HUNK: variants seen among roughly 807,000 people sequenced by gnomAD.
HUNK encodes the protein hormonally up-regulated Neu-associated kinase.
HUNK carries 21 observed loss-of-function variants against 61.0 expected under a neutral mutation model. The observed-to-expected ratio is 0.34, with a 90% CI of 0.24 to 0.50. The LOEUF is 0.50. Among genes scored for constraint, HUNK ranks in the 20% least tolerant of loss-of-function variants. The pLI is 0.98. For synonymous variants in HUNK, 371 were observed against 386.1 expected (o/e 0.96, Z 0.46); for missense variants, 772 against 945.7 (o/e 0.82, Z 2.41).
chr21:31,975,691 A>G (rs1223674114), intron 7 of HUNK, among the ~76,000 whole-genome samples: 2 of 152,252 alleles, frequency 1.3e-5, no homozygotes, highest in Non-Finnish European at 2.9e-5. Flanking sequence ...TGATAGCCCA[A>G]TATGTCACCA....
intron 1 of HUNK, among the ~76,000 whole-genome samples, chr21:31,885,353 G>C (rs2052338578): frequency 6.6e-6 from 1 of 152,208 alleles, no homozygotes; most frequent in Non-Finnish European, 1.5e-5. Flanking sequence ...GAGCAGCCTT[G>C]GTGGGGCCGA....
intron 1 of HUNK, among the ~76,000 whole-genome samples, chr21:31,923,655 G>A (rs2052640004): frequency 6.6e-6 from 1 of 151,928 alleles, no homozygotes; most frequent in South Asian, 2.1e-4. Flanking sequence ...AAGGAAAGAG[G>A]ACTGGGGACA....
chr21:31,883,326 C>T (rs1187487445), intron 1 of HUNK, among the ~76,000 whole-genome samples: 1 of 151,976 alleles, frequency 6.6e-6, no homozygotes, highest in African/African-American at 2.4e-5. Flanking sequence ...CTTTGCCAAT[C>T]GAGTGTATTA....
intron 5 of HUNK, among the ~76,000 whole-genome samples, chr21:31,962,083 A>AGAAAGG (rs1247028847): frequency 6.6e-6 from 1 of 152,212 alleles, no homozygotes; most frequent in Non-Finnish European, 1.5e-5. Flanking sequence ...ATGCAGAGGG[A>AGAAAGG]GAAAGGGAAA....
At chr21:31,919,728 G>A (rs75924265) in intron 1 of HUNK, among the ~76,000 whole-genome samples, 10,573 of 152,248 alleles carry the variant, frequency 0.069, 451 homozygotes, top group South Asian at 0.17. Context: ...TCTCATGGAC[G>A]TGCGGGAGCA....
At chr21:31,982,149 T>C (rs1215286510) in intron 7 of HUNK, among the ~76,000 whole-genome samples, 1 of 152,216 alleles carries the variant, frequency 6.6e-6, no homozygotes, top group Non-Finnish European at 1.5e-5. Context: ...CTTTGTCTTA[T>C]TCCTGAACAA....
rs188263586 is a variant in HUNK at position 31,995,929 on chromosome 21, G to A, written c.1467G>A (p.Lys489=). The A allele has an allele frequency of 1.2e-5, 19 of 1,613,512 alleles. No homozygotes were observed. The East Asian group carries it at 3.8e-4, about 32-fold the overall frequency. ...TCCTGAAGGACCGGAAGGCCTCCAA[G>A]TCCAGCTTCCCCGACAAAGGTGGGT... The part of the protein sequence containing the change: ...KALLKDRKAS[K]SSFPDKDSFG... The change falls in exon 10 of 11, where the codon AAG becomes AAA. Residue 489 remains lysine (K), a synonymous_variant. Coordinates refer to ENST00000270112, the MANE Select transcript of HUNK (RefSeq NM_014586.2).
At chr21:31,965,615 A>G (rs201819581) in intron 5 of HUNK, among the ~76,000 whole-genome samples, 2 of 96,002 alleles carry the variant, frequency 2.1e-5, no homozygotes, top group Admixed American at 1.0e-4. Flanking sequence ...TTTTTTTTTA[A>G]TTTTGAGACG....
Position 31,968,164 on chromosome 21 carries a change from G to C in HUNK, c.875-86G>C, listed in dbSNP as rs943605772. The C allele has an allele frequency of 3.3e-6, 5 of 1,532,600 alleles. No homozygotes were observed. The African/African-American group carries it at 6.8e-5, about 21-fold the overall frequency. 94.9% of individuals were successfully genotyped at this position (1,532,600 alleles called of 1,614,324 possible). A position where few individuals can be genotyped will look rare whatever the true frequency, so the allele number is the denominator to read the frequency against. The stretch of plus-strand genomic sequence containing the variant: ...CAGTGACTCGGGATGGGCAGGCAAG[G>C]TGGCGAGTCCCCTGTGATGGTGGCT... On this transcript the variant is annotated intron_variant, in intron 5 of 10. Transcript: ENST00000270112.
At chr21:31,984,155 C>CTGTGTTCTGTGTT (rs2053117119) in intron 8 of HUNK, among the ~76,000 whole-genome samples, 1 of 152,016 alleles carries the variant, frequency 6.6e-6, no homozygotes, top group South Asian at 2.1e-4. Context: ...GGAATAAGTT[C>CTGTGTTCTGTGTT]CGGTGTTCTG....
intron 7 of HUNK, among the ~76,000 whole-genome samples, chr21:31,977,097 A>G (rs1206854735): frequency 2.0e-5 from 3 of 152,150 alleles, no homozygotes; most frequent in Admixed American, 1.3e-4. Context: ...AAAAGACTAT[A>G]TTCCCCAAAC....
Position 31,884,149 on chromosome 21 carries a change from G to A in HUNK, c.261+10214G>A, listed in dbSNP as rs116041077. Among the ~76,000 whole-genome samples, 626 of 152,236 alleles carry A rather than the reference G, an allele frequency of 4.1e-3. 6 individuals are homozygous for A. The highest frequency in any genetic ancestry group is 0.014 in the African/African-American group (602 of 41,550). ...GATGGTTGCTATGATCAGAATGTTTGTGTCCCCCAAAATTCTTTTGTTGAA... is the reference window on the plus strand; with the variant it reads ...GATGGTTGCTATGATCAGAATGTTTATGTCCCCCAAAATTCTTTTGTTGAA... On this transcript the variant is annotated intron_variant, in intron 1 of 10. Transcript: ENST00000270112.
chr21:31,890,321 C>T (rs534710549), intron 1 of HUNK, among the ~76,000 whole-genome samples: 95 of 152,024 alleles, frequency 6.2e-4, no homozygotes, highest in African/African-American at 1.5e-3. Context: ...CTCTGTCTCC[C>T]GGGTTCAAGC....
intron 6 of HUNK, among the ~76,000 whole-genome samples, chr21:31,968,664 T>A (rs9305479): frequency 1.3e-5 from 2 of 150,946 alleles, no homozygotes; most frequent in African/African-American, 4.9e-5. Flanking sequence ...TTCCCAGGGG[T>A]TGCCTTTTTC....
At chr21:31,960,536 C>T (rs977933215) in intron 5 of HUNK, among the ~76,000 whole-genome samples, 3 of 151,964 alleles carry the variant, frequency 2.0e-5, no homozygotes, top group Admixed American at 6.6e-5. Context: ...AAGACATACC[C>T]GAGACTGGGT....
Position 31,915,424 on chromosome 21 carries a change from G to T in HUNK, c.262-9044G>T, listed in dbSNP as rs546588384. On this transcript the variant is annotated intron_variant, in intron 1 of 10. Transcript: ENST00000270112. The stretch of plus-strand genomic sequence containing the variant: ...GGGCTTCCCATTCCCTGTGCATTTT[G>T]ATTATTTAAAACATGGTGTAAAAGT... 8.5e-5 allele frequency among the ~76,000 whole-genome samples: 13 copies of T among 152,304 alleles called. No homozygotes were observed. The East Asian group carries it at 2.1e-3, about 25-fold the overall frequency.
At chr21:31,913,599 C>G (rs985688767) in intron 1 of HUNK, among the ~76,000 whole-genome samples, 1 of 151,652 alleles carries the variant, frequency 6.6e-6, no homozygotes, top group Non-Finnish European at 1.5e-5. Context: ...GTGACAGGCT[C>G]GGAGGCCCAC....
Position 31,873,556 on chromosome 21 carries a change from C to T in HUNK, c.-119C>T, listed in dbSNP as rs1365607796. On this transcript the variant is annotated 5_prime_UTR_variant, in exon 1 of 11. Transcript: ENST00000270112. The surrounding 1 kb of genome is among the most constrained non-coding windows in gnomAD (Gnocchi z 6.1). ...CGGCCCCGGGCTCTGGGTGCGGAGA[C>T]CCAGGCGGGGCTGGGCCCAGGGCGG... 6.1e-6 allele frequency: 5 copies of T among 823,204 alleles called. No individual in the cohort carries two copies. The African/African-American group carries it at 7.4e-5, about 12-fold the overall frequency. 51.0% of individuals were successfully genotyped at this position (823,204 alleles called of 1,614,324 possible). A position where few individuals can be genotyped will look rare whatever the true frequency, so the allele number is the denominator to read the frequency against.
At chr21:31,960,294 G>A (rs1371382603) in intron 5 of HUNK, among the ~76,000 whole-genome samples, 3 of 151,942 alleles carry the variant, frequency 2.0e-5, no homozygotes, top group Admixed American at 2.0e-4. Flanking sequence ...ATAAATAAAT[G>A]GGTAATAAAC....
Sources: allele counts gnomAD v4.1 joint callset (sites outside exome capture counted in the v4.1 genomes callset), GRCh38; gene constraint gnomAD v4.1.1; non-coding constraint Gnocchi (gnomAD v3.1); transcripts MANE v1.5; gene names NCBI Gene and HGNC (gene_info 2026-07-23, HGNC 2026-07-21).